The following DEPDC5 variants were observed in gnomAD, a reference collection of about 807,000 sequenced individuals.
DEPDC5 encodes DEP domain containing 5, GATOR1 subcomplex subunit, also known as GATOR1 complex protein DEPDC5.
In DEPDC5, 73 loss-of-function variants were observed where a neutral mutation model predicts 217.3. The ratio of observed to expected loss-of-function variants is 0.34; its 90% CI spans 0.28 to 0.41. The LOEUF (loss-of-function observed/expected upper bound fraction) is 0.41. Among genes scored for constraint, DEPDC5 ranks in the 10% least tolerant of loss-of-function variants. The pLI is 1.00. For synonymous variants in DEPDC5, 733 were observed against 756.7 expected, an observed-to-expected ratio of 0.97 and a Z score of 0.51; for missense variants, 1,675 against 2,070.1, an observed-to-expected ratio of 0.81 and a Z score of 3.70.
At chr22:31,868,850 T>C (rs2092760058) in intron 33 of DEPDC5, among the ~76,000 whole-genome samples, 1 of 152,196 alleles carries the variant, frequency 6.6e-6, no homozygotes, top group Non-Finnish European at 1.5e-5. Flanking sequence ...CCAGAATTGC[T>C]CTAAAAGACT....
At chr22:31,844,092 G>T (rs1370091332) in intron 29 of DEPDC5, among the ~76,000 whole-genome samples, 1 of 152,068 alleles carries the variant, frequency 6.6e-6, no homozygotes, top group East Asian at 1.9e-4. Context: ...TGGGTGTGGT[G>T]GTGCGTGCCT....
intron 10 of DEPDC5, among the ~76,000 whole-genome samples, chr22:31,788,016 C>T (rs1383647908): frequency 6.6e-6 from 1 of 151,962 alleles, no homozygotes; most frequent in Non-Finnish European, 1.5e-5. Flanking sequence ...TTTCACATTA[C>T]ATGCCTGTAT....
At position 31,797,623 on chromosome 22, in the gene DEPDC5, G is replaced by A. The variant is rs750467533; in HGVS notation, c.791G>A (p.Arg264Lys). 1.1e-5 allele frequency: 17 copies of A among 1,613,774 alleles called. No individual in the cohort carries two copies. In the African/African-American group the frequency reaches 1.9e-4, roughly 18 times the overall value. Residue 264 changes from arginine to lysine, a missense_variant, in exon 13 of 43, where the codon AGA (arginine) becomes AAA (lysine). Arg to Lys is a conservative substitution (Grantham distance 26). Coordinates refer to ENST00000651528, the MANE Select transcript of DEPDC5 (RefSeq NM_001242896.3). Reference protein sequence around the residue: ...FYKVVVQNERREEWTSLLVTI... With the variant: ...FYKVVVQNERKEEWTSLLVTI... ...AGAGTGGTGGTGCAGAATGAGAGAA[G>A]AGAAGAATGGACTTCACTTCTCGTA...
chr22:31,765,189 G>A (rs960655400), intron 5 of DEPDC5, 129 bp downstream of exon 5: 2 of 714,712 alleles, frequency 2.8e-6, no homozygotes, highest in African/African-American at 1.8e-5. Flanking sequence ...TGCTAGGTGT[G>A]GTAATTTCAG....
intron 26 of DEPDC5, 125 bp downstream of exon 26, chr22:31,837,280 A>G: frequency 1.1e-6 from 1 of 927,844 alleles, no homozygotes; most frequent in Non-Finnish European, 1.6e-6. Context: ...GGAACGATAT[A>G]GAGGAGATTA....
chr22:31,872,955 A>G (rs1369243002), intron 34 of DEPDC5, among the ~76,000 whole-genome samples: 1 of 151,830 alleles, frequency 6.6e-6, no homozygotes, highest in African/African-American at 2.4e-5. Context: ...GGATTTCACT[A>G]TGTTTGCCAG....
At chr22:31,886,226 G>A (rs1970084525) in intron 38 of DEPDC5, among the ~76,000 whole-genome samples, 1 of 152,060 alleles carries the variant, frequency 6.6e-6, no homozygotes, top group Non-Finnish European at 1.5e-5. Context: ...CTCTCTCTGT[G>A]TTGCCCAGGC....
Position 31,857,460 on chromosome 22 carries a change from G to A in DEPDC5, c.3171G>A (p.Gln1057=), listed in dbSNP as rs1360554872. The A allele has an allele frequency of 6.2e-7, 1 of 1,608,262 alleles. No homozygotes were observed. The highest frequency in any genetic ancestry group is 1.7e-5 in the Admixed American group (1 of 59,228). The stretch of plus-strand genomic sequence containing the variant: ...CTCCTTTCAGGTGCCTGGGAGAACA[G>A]CAGGCAGCTGTGCATGGTGGGAAGA... The part of the protein sequence containing the change: ...MEASQKCLGE[Q]QAAVHGGKSS... Residue 1057 remains glutamine, a synonymous_variant, in exon 32 of 43, where the codon CAG becomes CAA. Transcript: ENST00000651528.
intron 10 of DEPDC5, among the ~76,000 whole-genome samples, chr22:31,788,291 T>TTG (rs1556582007): frequency 3.0e-4 from 38 of 127,860 alleles, no homozygotes; most frequent in East Asian, 4.1e-4. Context: ...TTTTTTTTTT[T>TTG]GAGACAGAGT....
At chr22:31,767,541 C>T (rs567544312) in intron 6 of DEPDC5, among the ~76,000 whole-genome samples, 33 of 152,096 alleles carry the variant, frequency 2.2e-4, no homozygotes, top group African/African-American at 7.0e-4. Flanking sequence ...GCAATCTGCC[C>T]GCCTCGGCCT....
intron 32 of DEPDC5, chr22:31,858,909 A>G (rs2092402588): frequency 6.6e-6 from 1 of 152,180 alleles, no homozygotes; most frequent in Admixed American, 6.5e-5. Context: ...ACATGGGTAG[A>G]GGGATAAAAA....
chr22:31,797,649 A>G lies in DEPDC5; in HGVS notation c.817A>G (p.Thr273Ala). 1 of 1,614,112 alleles carries G rather than the reference A, an allele frequency of 6.2e-7. No homozygotes were observed. The highest frequency in any genetic ancestry group is 8.5e-7 in the Non-Finnish European group (1 of 1,180,000). Residue 273 changes from threonine to alanine, a missense_variant, in exon 13 of 43, where the codon ACC becomes GCC. Thr to Ala is a moderately conservative substitution (Grantham distance 58). Around this residue, in one of 11 missense-constraint regions of DEPDC5, gnomAD observed 628 missense variants for 762.1 expected, o/e 0.82. Transcript: ENST00000651528. Reference protein sequence around the residue: ...RREEWTSLLVTIKKLFIQYPV... With the variant: ...RREEWTSLLVAIKKLFIQYPV... ...AGAAGAATGGACTTCACTTCTCGTA[A>G]CCATTAAAAAACTCTTCATCCAGTA...
At position 31,792,021 on chromosome 22, in the gene DEPDC5, A is replaced by G. The variant is rs747442614; in HGVS notation, c.625-12A>G. 1.2e-6 allele frequency: 2 copies of G among 1,600,166 alleles called. No homozygotes were observed. Among genetic ancestry groups the G allele is most frequent in the Non-Finnish European group, 1.7e-6 (2 of 1,168,922 alleles). ...ACAAACTTCAACCCTGTTGTTCTCT[A>G]CTCATGCTTAGGAGAAGAACTGTAG... On this transcript the variant is annotated splice_polypyrimidine_tract_variant and intron_variant, in intron 10 of 42. Coordinates refer to ENST00000651528, the MANE Select transcript of DEPDC5 (RefSeq NM_001242896.3).
chr22:31,783,553 C>T (rs770904474), intron 8 of DEPDC5, among the ~76,000 whole-genome samples: 3 of 152,034 alleles, frequency 2.0e-5, no homozygotes, highest in Non-Finnish European at 4.4e-5. Context: ...TCCAGCTACT[C>T]GAGAGGCTGA....
intron 16 of DEPDC5, among the ~76,000 whole-genome samples, chr22:31,804,559 C>T (rs749938173): frequency 6.6e-6 from 1 of 152,220 alleles, no homozygotes; most frequent in African/African-American, 2.4e-5. Flanking sequence ...CCTGCCTCAG[C>T]CTCCCGAGTA....
chr22:31,765,664 A>C (rs1206123201), intron 5 of DEPDC5, among the ~76,000 whole-genome samples: 1 of 152,224 alleles, frequency 6.6e-6, no homozygotes, highest in Non-Finnish European at 1.5e-5. Context: ...AGGCTGCAAC[A>C]GGAGGATTGC....
rs1388638038 is a variant in DEPDC5, at chr22:31,837,028, G to C, written c.2227G>C (p.Asp743His). ...AGGCTTCTGTTGCACAGTTGGAGTG[G>C]ACTGGAAGTCTCTCACTACTCCGGC... ...VPGFCCTVGV[D>H]WKSLTTPACL... The change falls in exon 26 of 43, where the codon GAC becomes CAC. Residue 743 changes from aspartate (D) to histidine (H), a missense_variant. Transcript: ENST00000651528. 6.2e-7 allele frequency: 1 copy of C among 1,613,974 alleles called. No homozygotes were observed. The highest frequency in any genetic ancestry group is 8.5e-7 in the Non-Finnish European group (1 of 1,180,034).
intron 32 of DEPDC5, among the ~76,000 whole-genome samples, chr22:31,859,547 ATGGC>A (rs1196362008): frequency 9.2e-5 from 14 of 151,888 alleles, no homozygotes; most frequent in Non-Finnish European, 1.6e-4. Flanking sequence ...GTGCACCACC[ATGGC>A]CAGCTAATTT....
At chr22:31,866,983 A>G (rs1157826638) in intron 33 of DEPDC5, among the ~76,000 whole-genome samples, 1 of 152,062 alleles carries the variant, frequency 6.6e-6, no homozygotes, top group Admixed American at 6.6e-5. Flanking sequence ...CCTTTTTTAT[A>G]CTCCATTTAT....
Sources: allele counts gnomAD v4.1 joint callset (sites outside exome capture counted in the v4.1 genomes callset), GRCh38; gene constraint gnomAD v4.1.1; regional missense constraint gnomAD v4.1.1; transcripts MANE v1.5; gene names NCBI Gene and HGNC (gene_info 2026-07-23, HGNC 2026-07-21).